Variants in ARHGAP39 observed in about 807,000 individuals in gnomAD.
The protein encoded by ARHGAP39 is Rho GTPase activating protein 39, also known as rho GTPase-activating protein 39.
ARHGAP39 carries 44 observed loss-of-function variants against 106.9 expected under a neutral mutation model. The observed-to-expected ratio is 0.41, with a 90% confidence interval of 0.32 to 0.53. The LOEUF (loss-of-function observed/expected upper bound fraction) is 0.53. Among genes scored for constraint, ARHGAP39 ranks in the 20% least tolerant of loss-of-function variants. The pLI is 0.21. For missense variants in ARHGAP39, 1,496 were observed against 1,577.3 expected (o/e 0.95, Z 0.87); for synonymous variants, 768 against 693.2 (o/e 1.11, Z -1.69).
At position 144,600,748 on chromosome 8, in the gene ARHGAP39, C is replaced by T. The variant is rs575183850; in HGVS notation, c.80+4787G>A. On this transcript the variant is annotated intron_variant, in intron 2 of 11. Transcript: ENST00000377307. ...AGTGTGCGTGTTCAAGGCGTGCGTG[C>T]GCACTTGTGTACCTACCTGCGTGTG... Among the ~76,000 whole-genome samples the T allele has an allele frequency of 6.1e-5, 9 of 146,554 alleles. No individual in the cohort carries two copies. The South Asian group carries it at 1.3e-3, about 21-fold the overall frequency.
chr8:144,602,681 C>T (rs1439286363), intron 2 of ARHGAP39, among the ~76,000 whole-genome samples: 10 of 120,346 alleles, frequency 8.3e-5, no homozygotes, highest in Admixed American at 3.7e-4. Flanking sequence ...CGTGCGAGCT[C>T]GTGTACCTGT....
chr8:144,552,190 G>C (rs1817725186), intron 4 of ARHGAP39, among the ~76,000 whole-genome samples: 1 of 152,266 alleles, frequency 6.6e-6, no homozygotes, highest in Admixed American at 6.5e-5. Context: ...GGCAGATTTG[G>C]TGACAGAGGA....
intron 1 of ARHGAP39, among the ~76,000 whole-genome samples, chr8:144,655,608 C>T (rs767512718): frequency 5.9e-5 from 9 of 152,056 alleles, no homozygotes; most frequent in African/African-American, 1.7e-4. Flanking sequence ...ACTGCAGAGA[C>T]GACAGGACGA....
At chr8:144,649,594 A>G (rs1456253912) in intron 1 of ARHGAP39, among the ~76,000 whole-genome samples, 1 of 150,948 alleles carries the variant, frequency 6.6e-6, no homozygotes, top group East Asian at 1.9e-4. Context: ...ATGTGGTAAA[A>G]CCCCGTCTCC....
chr8:144,623,629 G>A (rs1473786629), intron 1 of ARHGAP39, among the ~76,000 whole-genome samples: 2 of 152,230 alleles, frequency 1.3e-5, no homozygotes, highest in African/African-American at 4.8e-5. Context: ...AGCGACAGAG[G>A]AGATGGTACA....
chr8:144,623,792 G>A (rs937930576), intron 1 of ARHGAP39, among the ~76,000 whole-genome samples: 2 of 152,234 alleles, frequency 1.3e-5, no homozygotes, highest in Non-Finnish European at 2.9e-5. Flanking sequence ...CACCCAGGCA[G>A]GCCTCTGTCA....
At chr8:144,648,736 A>G (rs1195029487) in intron 1 of ARHGAP39, among the ~76,000 whole-genome samples, 2 of 152,196 alleles carry the variant, frequency 1.3e-5, no homozygotes, top group Non-Finnish European at 1.5e-5. Context: ...TTTTAAAGCT[A>G]GCTGAGCTGA....
Position 144,548,128 on chromosome 8 carries a change from A to T in ARHGAP39, c.958T>A (p.Tyr320Asn), listed in dbSNP as rs778947337. The T allele has an allele frequency of 1.8e-5, 29 of 1,572,240 alleles. No individual in the cohort carries two copies. Among genetic ancestry groups the T allele is most frequent in the Non-Finnish European group, 2.4e-5 (28 of 1,159,922 alleles). ...PPLYEEPPVE[Y>N]QAPIYDEPPM... is the part of the protein sequence containing the mutation. ...GGCTCATCGTAGATGGGGGCCTGGT[A>T]CTCCACTGGGGGCTCCTCGTAGAGC... Residue 320 changes from tyrosine to asparagine, a missense_variant, in exon 5 of 12, where the codon TAC (tyrosine) becomes AAC (asparagine). Physicochemically the swap from Tyr to Asn is moderately radical, Grantham distance 143. This residue lies in a region of ARHGAP39 where 905 missense variants were observed against 816.4 expected (regional missense o/e 1.11). Transcript: ENST00000377307. The surrounding 1 kb of genome is among the most constrained non-coding windows in gnomAD (Gnocchi z 7.4).
chr8:144,536,944 G>A (rs749650662), intron 7 of ARHGAP39, among the ~76,000 whole-genome samples: 12 of 152,258 alleles, frequency 7.9e-5, no homozygotes, highest in Non-Finnish European at 1.6e-4. Flanking sequence ...GTGGAGCAGA[G>A]AGGTGGTGGC....
chr8:144,532,110 G>A (rs535989680), intron 10 of ARHGAP39, among the ~76,000 whole-genome samples, 195 bp downstream of exon 10: 2 of 152,072 alleles, frequency 1.3e-5, no homozygotes, highest in Non-Finnish European at 2.9e-5. Context: ...GCATTGCACA[G>A]GTAGGCCTCG....
intron 6 of ARHGAP39, among the ~76,000 whole-genome samples, chr8:144,542,660 C>G (rs139251065): frequency 1.5e-5 from 2 of 136,166 alleles, no homozygotes; most frequent in Non-Finnish European, 3.1e-5. Context: ...GAGTCTTGGC[C>G]GGGCACAATG....
chr8:144,658,276 A>T (rs1586641808), intron 1 of ARHGAP39, among the ~76,000 whole-genome samples: 1 of 139,774 alleles, frequency 7.2e-6, no homozygotes. Flanking sequence ...CACCCGGCTA[A>T]TTTTTTTTTT....
chr8:144,686,646 T>C (rs752971901), upstream of ARHGAP39, among the ~76,000 whole-genome samples: 120 of 152,126 alleles, frequency 7.9e-4, 1 homozygote, highest in Non-Finnish European at 1.1e-3. Flanking sequence ...GCAGGGACTC[T>C]CCCGCCTCAG....
At chr8:144,653,098 C>T (rs764354652) in intron 1 of ARHGAP39, among the ~76,000 whole-genome samples, 2 of 151,978 alleles carry the variant, frequency 1.3e-5, no homozygotes, top group African/African-American at 4.8e-5. Context: ...AGGAGTTTGA[C>T]GCCAGCCTGA....
intron 3 of ARHGAP39, among the ~76,000 whole-genome samples, chr8:144,569,888 G>A (rs746736745): frequency 6.6e-6 from 1 of 152,172 alleles, no homozygotes; most frequent in Admixed American, 6.5e-5. Context: ...CAGAGTAGTG[G>A]GTGTGGGGAA....
In ARHGAP39 at chr8:144,641,916, G is replaced by A. The variant is rs1368861790; in HGVS notation, c.-81-36221C>T. Among the ~76,000 whole-genome samples the A allele has an allele frequency of 6.6e-6, 1 of 152,150 alleles. No individual in the cohort carries two copies. Among genetic ancestry groups the A allele is most frequent in the South Asian group, 2.1e-4 (1 of 4,826 alleles). On this transcript the variant is annotated intron_variant, in intron 1 of 11. Coordinates refer to ENST00000377307, the MANE Select transcript of ARHGAP39 (RefSeq NM_025251.3). The surrounding 1 kb of genome is among the most constrained non-coding windows in gnomAD (Gnocchi z 5.2). ...CCCACTACCTCATCCTTGGCCCCTCGGCATACCCACCTGCAAATCCAAACC... is the reference window on the plus strand; with the variant it reads ...CCCACTACCTCATCCTTGGCCCCTCAGCATACCCACCTGCAAATCCAAACC...
At chr8:144,606,280 G>C (rs1314000764) in intron 1 of ARHGAP39, among the ~76,000 whole-genome samples, 1 of 152,148 alleles carries the variant, frequency 6.6e-6, no homozygotes, top group African/African-American at 2.4e-5. Context: ...ACACGGGTCT[G>C]AGCCAGGAGG....
At chr8:144,550,708 T>G (rs1055272320) in intron 4 of ARHGAP39, among the ~76,000 whole-genome samples, 8 of 152,246 alleles carry the variant, frequency 5.3e-5, no homozygotes, top group Non-Finnish European at 8.8e-5. Flanking sequence ...CTGGGATTTC[T>G]GCTCGTGGCT....
At chr8:144,683,904 A>G (rs1288921092) in intron 1 of ARHGAP39, among the ~76,000 whole-genome samples, 1 of 152,178 alleles carries the variant, frequency 6.6e-6, no homozygotes, top group Non-Finnish European at 1.5e-5. Context: ...AGTAATAACC[A>G]TTCCTAACTT....
Sources: gnomAD v4.1 joint callset for allele counts (sites outside exome capture counted in the v4.1 genomes callset) on GRCh38, gnomAD v4.1.1 for gene constraint, gnomAD v4.1.1 regional missense constraint, Gnocchi (gnomAD v3.1) non-coding constraint, MANE v1.5 for transcripts, NCBI Gene and HGNC (gene_info 2026-07-23, HGNC 2026-07-21) for gene names.